KCTD1: variants seen among roughly 807,000 people sequenced by gnomAD.
The protein encoded by KCTD1 is potassium channel tetramerization domain containing 1.
Under a neutral mutation model 66.0 loss-of-function variants are expected in KCTD1, and 24 were observed. The ratio of observed to expected loss-of-function variants is 0.36; its 90% CI spans 0.26 to 0.51. KCTD1 has a LOEUF of 0.51. KCTD1 is among the 20% of genes least tolerant of loss of function. The probability of loss-of-function intolerance (pLI) is 0.95; values close to 1 mark genes in which losing one functional copy is unlikely to be tolerated. For synonymous variants in KCTD1, 511 were observed against 517.2 expected (o/e 0.99, Z 0.16); for missense variants, 943 against 1,205.2 (o/e 0.78, Z 3.22).
intron 1 of KCTD1, among the ~76,000 whole-genome samples, chr18:26,596,237 G>A (rs1377447029): frequency 6.6e-6 from 1 of 152,084 alleles, no homozygotes; most frequent in African/African-American, 2.4e-5. Context: ...GATGGGATTA[G>A]TGCCCTTATA....
upstream of KCTD1, among the ~76,000 whole-genome samples, chr18:26,642,167 C>A (rs781228820): frequency 6.6e-6 from 1 of 152,138 alleles, no homozygotes; most frequent in Non-Finnish European, 1.5e-5. Flanking sequence ...ACAGACTCGA[C>A]CCAGGAACTC....
At chr18:26,542,442 G>T (rs1335243579) in intron 1 of KCTD1, among the ~76,000 whole-genome samples, 1 of 152,156 alleles carries the variant, frequency 6.6e-6, no homozygotes, top group African/African-American at 2.4e-5. Context: ...TTACATGTAC[G>T]TTCCTAAGAC....
At position 26,476,551 on chromosome 18, in the gene KCTD1, T is replaced by C. The variant is rs1981358627; in HGVS notation, c.2097A>G (p.Leu699=). Residue 699 remains leucine (L), a synonymous_variant, in exon 3 of 5, where the codon CTA becomes CTG. Coordinates refer to ENST00000580059, the MANE Select transcript of KCTD1 (RefSeq NM_001142730.3). This position sits in a 1 kb window ranked among gnomAD's most constrained non-coding sequence, Gnocchi z 4.9. The stretch of plus-strand genomic sequence containing the variant: ...CAGGAATGAGGAGTTTGGATGTTCG[T>C]AGAAAATTCAAGATATATCTGAACA... The part of the protein sequence containing the change: ...GQMFRYILNF[L]RTSKLLIPDD... 2 of 1,613,442 alleles carry C rather than the reference T, an allele frequency of 1.2e-6. No individual in the cohort carries two copies. Among genetic ancestry groups the C allele is most frequent in the Middle Eastern group, 1.6e-4 (1 of 6,076 alleles).
chr18:26,469,631 A>G (rs1224108453), intron 3 of KCTD1, among the ~76,000 whole-genome samples: 1 of 152,196 alleles, frequency 6.6e-6, no homozygotes, highest in Non-Finnish European at 1.5e-5. Context: ...AATTAATATT[A>G]TTCTGATAAG....
chr18:26,631,171 T>C (rs1987610541), upstream of KCTD1, among the ~76,000 whole-genome samples: 1 of 152,184 alleles, frequency 6.6e-6, no homozygotes, highest in African/African-American at 2.4e-5. Context: ...ATAAACCAGG[T>C]AGGGCTTATT....
At chr18:26,621,542 G>C (rs1987385080) in intron 1 of KCTD1, among the ~76,000 whole-genome samples, 1 of 152,032 alleles carries the variant, frequency 6.6e-6, no homozygotes, top group Non-Finnish European at 1.5e-5. Context: ...GAGGAGGGAG[G>C]GGAAGGCAGA....
intron 1 of KCTD1, among the ~76,000 whole-genome samples, chr18:26,502,136 G>A (rs1396279397): frequency 1.3e-5 from 2 of 152,134 alleles, no homozygotes; most frequent in Non-Finnish European, 2.9e-5. Context: ...TGCCAGCTCC[G>A]CCTCCTGGGT....
chr18:26,582,376 A>G (rs1252956531), intron 1 of KCTD1, among the ~76,000 whole-genome samples: 1 of 152,216 alleles, frequency 6.6e-6, no homozygotes, highest in Non-Finnish European at 1.5e-5. Context: ...CTCATAAGAG[A>G]AAAGCAAATT....
intron 1 of KCTD1, among the ~76,000 whole-genome samples, chr18:26,601,346 A>AAAAG (rs1321034472): frequency 4.0e-5 from 6 of 150,722 alleles, no homozygotes; most frequent in Non-Finnish European, 7.4e-5. Flanking sequence ...AAAAAAAAAA[A>AAAAG]AAAGAAAGAA....
chr18:26,460,424 G>A (rs1008562361), intron 3 of KCTD1, among the ~76,000 whole-genome samples: 1 of 152,174 alleles, frequency 6.6e-6, no homozygotes, highest in African/African-American at 2.4e-5. Flanking sequence ...AGAAGCTCCC[G>A]GTCACCTTTG....
At chr18:26,456,860 C>T (rs1401508725) in intron 4 of KCTD1, 1 of 150,512 alleles carries the variant, frequency 6.6e-6, no homozygotes, top group African/African-American at 2.4e-5. Context: ...GTTTCCTGCC[C>T]GAGTTCTGAA....
intron 2 of KCTD1, among the ~76,000 whole-genome samples, chr18:26,481,865 TA>T (rs1057401471): frequency 1.3e-5 from 2 of 151,996 alleles, no homozygotes; most frequent in African/African-American, 4.8e-5. Flanking sequence ...GTATTTTTTT[TA>T]AAAAAAACTC....
At chr18:26,641,287 G>A (rs140797643), upstream of KCTD1, among the ~76,000 whole-genome samples, 50 of 152,200 alleles carry the variant, frequency 3.3e-4, 1 homozygote, top group South Asian at 6.2e-4. Context: ...GTAGCGCCAC[G>A]GTGCCTCAGA....
intron 1 of KCTD1, among the ~76,000 whole-genome samples, chr18:26,521,909 C>G (rs1276039752): frequency 6.6e-6 from 1 of 152,042 alleles, no homozygotes; most frequent in African/African-American, 2.4e-5. Flanking sequence ...TGTTATTTGT[C>G]AAAATTCACT....
chr18:26,512,850 G>T (rs1479702034), intron 1 of KCTD1, among the ~76,000 whole-genome samples: 2 of 152,048 alleles, frequency 1.3e-5, no homozygotes, highest in South Asian at 4.2e-4. Context: ...GTGTGGTGGT[G>T]CATGCCTGTA....
chr18:26,520,316 C>A (rs1462724933), intron 1 of KCTD1, among the ~76,000 whole-genome samples: 1 of 152,164 alleles, frequency 6.6e-6, no homozygotes, highest in African/African-American at 2.4e-5. Flanking sequence ...CCAGAGAGAA[C>A]TGGAGCCTGC....
At chr18:26,650,888 C>A (rs1434626991) in intron 1 of KCTD1, among the ~76,000 whole-genome samples, 1 of 152,232 alleles carries the variant, frequency 6.6e-6, no homozygotes, top group Non-Finnish European at 1.5e-5. Context: ...AAATCTATCT[C>A]GTTAACATTC....
rs913894251 is a variant in KCTD1 at position 26,612,919 on chromosome 18, T to A, written c.-16+16228A>T. Among the ~76,000 whole-genome samples the A allele has an allele frequency of 2.0e-5, 3 of 152,308 alleles. No homozygotes were observed. The East Asian group carries it at 5.8e-4, about 29-fold the overall frequency. On this transcript the variant is annotated intron_variant, in intron 1 of 4. Coordinates refer to the KCTD1 transcript ENST00000317932. ...GTTGTTTTAGGTGGAAGGGTAAATG[T>A]GGTCCTTGTTATTATTGTTTGTTGG...
rs1429460154 is a variant in KCTD1 at position 26,584,541 on chromosome 18, T to C, written c.-16+44606A>G. On this transcript the variant is annotated intron_variant, in intron 1 of 4. Coordinates refer to the KCTD1 transcript ENST00000317932. The stretch of plus-strand genomic sequence containing the variant: ...CCTATTCATTAGATCTTTCAGTCAT[T>C]CATTCAACAACTATTTATGAGGAGA... 2.0e-5 allele frequency among the ~76,000 whole-genome samples: 3 copies of C among 152,310 alleles called. No individual in the cohort carries two copies. The East Asian group carries it at 5.8e-4, about 29-fold the overall frequency.
Sources: allele counts gnomAD v4.1 joint callset (sites outside exome capture counted in the v4.1 genomes callset), GRCh38; gene constraint gnomAD v4.1.1; non-coding constraint Gnocchi (gnomAD v3.1); transcripts MANE v1.5; gene names NCBI Gene and HGNC (gene_info 2026-07-23, HGNC 2026-07-21).